ATXN1: variants seen among roughly 807,000 people sequenced by gnomAD.
ATXN1 encodes the protein ataxin-1.
Under a neutral mutation model 56.4 loss-of-function variants are expected in ATXN1, and 8 were observed. The ratio of observed to expected loss-of-function variants is 0.14; its 90% CI spans 0.08 to 0.26. The LOEUF is 0.26. Ranked by LOEUF, ATXN1 falls within the 10% of genes least tolerant of loss-of-function variation. The pLI is 1.00. For missense variants in ATXN1, 987 were observed against 1,106.5 expected (o/e 0.89, Z 1.53); for synonymous variants, 514 against 494.6 (o/e 1.04, Z -0.52).
intron 2 of ATXN1, among the ~76,000 whole-genome samples, chr6:16,684,544 T>G (rs1758878389): frequency 6.6e-6 from 1 of 152,166 alleles, no homozygotes; most frequent in African/African-American, 2.4e-5. Context: ...GAAAACCACT[T>G]ATATAACCCA....
chr6:16,397,232 C>T (rs575098087), intron 6 of ATXN1, among the ~76,000 whole-genome samples: 5 of 152,156 alleles, frequency 3.3e-5, no homozygotes, highest in Admixed American at 6.5e-5. Context: ...CTGTTATTCC[C>T]GAGCCAGTAG....
chr6:16,365,757 C>T (rs773840335), intron 6 of ATXN1, among the ~76,000 whole-genome samples: 1 of 152,208 alleles, frequency 6.6e-6, no homozygotes, highest in Non-Finnish European at 1.5e-5. Context: ...TGCCTGGACC[C>T]AAACAACCTG....
chr6:16,445,323 T>C (rs1759610335), intron 6 of ATXN1, among the ~76,000 whole-genome samples: 1 of 152,090 alleles, frequency 6.6e-6, no homozygotes, highest in African/African-American at 2.4e-5. Flanking sequence ...TATAGATATT[T>C]TGAGTCAACA....
chr6:16,659,227 T>G (rs1457248238), intron 2 of ATXN1, among the ~76,000 whole-genome samples: 1 of 152,222 alleles, frequency 6.6e-6, no homozygotes, highest in Admixed American at 6.5e-5. Context: ...TTGGATGCTA[T>G]CAGTACCCAC....
chr6:16,339,851 C>A (rs928258141), intron 6 of ATXN1, among the ~76,000 whole-genome samples: 1 of 152,158 alleles, frequency 6.6e-6, no homozygotes, highest in Non-Finnish European at 1.5e-5. Flanking sequence ...GGCGTGATCT[C>A]GGCTCACTGC....
intron 6 of ATXN1, among the ~76,000 whole-genome samples, chr6:16,377,459 T>C (rs867668137): frequency 3.9e-5 from 6 of 152,284 alleles, no homozygotes; most frequent in South Asian, 2.1e-4. Context: ...ATCCTTCCCA[T>C]TGCTGTGCAC....
intron 6 of ATXN1, among the ~76,000 whole-genome samples, chr6:16,416,490 G>C (rs1758911934): frequency 6.6e-6 from 1 of 152,206 alleles, no homozygotes; most frequent in African/African-American, 2.4e-5. Context: ...TACAATACCT[G>C]CCTTACAGGG....
intron 2 of ATXN1, among the ~76,000 whole-genome samples, chr6:16,719,035 T>G (rs1759695648): frequency 6.6e-6 from 1 of 152,372 alleles, no homozygotes; most frequent in Non-Finnish European, 1.5e-5. Flanking sequence ...TCTGTCTTTA[T>G]TTCCCATAAC....
intron 5 of ATXN1, among the ~76,000 whole-genome samples, chr6:16,522,204 C>T (rs1340729121): frequency 1.3e-5 from 2 of 152,150 alleles, no homozygotes; most frequent in African/African-American, 2.4e-5. Context: ...GCCAGACAAG[C>T]TCTCAGGTCT....
At chr6:16,625,928 C>G (rs1262875170) in intron 3 of ATXN1, among the ~76,000 whole-genome samples, 1 of 152,138 alleles carries the variant, frequency 6.6e-6, no homozygotes, top group Non-Finnish European at 1.5e-5. Context: ...GACACTGAGG[C>G]AAACTTGCCA....
rs200788953 is a variant in ATXN1 at position 16,327,696 on chromosome 6, C to T, written c.615G>A (p.Gln205=). The T allele has an allele frequency of 6.3e-7, 1 of 1,592,692 alleles. No individual in the cohort carries two copies. Among genetic ancestry groups the T allele is most frequent in the African/African-American group, 1.4e-5 (1 of 73,284 alleles). ...AEQQQQQQQQ[Q]QQQHQHQQQQ... is the part of the protein sequence containing the mutation. ...GCTGCTGATGCTGATGCTGCTGCTG[C>T]TGCTGCTGCTGCTGCTGCTGCTGCT... The change falls in exon 7 of 8, where the codon CAG becomes CAA. Residue 205 remains glutamine, a synonymous_variant. Coordinates refer to ENST00000436367, the MANE Select transcript of ATXN1 (RefSeq NM_001128164.2).
chr6:16,369,651 A>G (rs906494293), intron 6 of ATXN1, among the ~76,000 whole-genome samples: 7 of 152,204 alleles, frequency 4.6e-5, no homozygotes, highest in Non-Finnish European at 1.0e-4. Context: ...TAAGTCTTCA[A>G]TGCTCTCTGC....
chr6:16,443,336 C>T (rs578090326), intron 6 of ATXN1, among the ~76,000 whole-genome samples: 11 of 150,964 alleles, frequency 7.3e-5, no homozygotes, highest in Admixed American at 5.9e-4. Flanking sequence ...CAGACTTCAA[C>T]GACTTCACCT....
At chr6:16,602,528 T>C (rs890879467) in intron 3 of ATXN1, among the ~76,000 whole-genome samples, 12 of 152,006 alleles carry the variant, frequency 7.9e-5, no homozygotes, top group African/African-American at 2.4e-4. Flanking sequence ...CTTGGCTCAC[T>C]GCAACCTTCG....
chr6:16,585,717 T>G (rs2113765147), intron 4 of ATXN1, 63 bp downstream of exon 4: 1 of 152,334 alleles, frequency 6.6e-6, no homozygotes, highest in South Asian at 2.1e-4. Context: ...CCCCCACCAC[T>G]ATCTTGGGGA....
intron 5 of ATXN1, among the ~76,000 whole-genome samples, chr6:16,492,664 T>C (rs2113664376): frequency 6.6e-6 from 1 of 152,192 alleles, no homozygotes; most frequent in Non-Finnish European, 1.5e-5. Context: ...GTTCCTTATA[T>C]TACTCCTTAT....
rs1760097017 is a variant in ATXN1, at chr6:16,301,455, C to T, written c.*4874G>A. Reference sequence around the variant, plus strand: ...GTCCGTGGAAAAGAGAGGAAACCAACCCAACACAATAGCAGATGCATGTGC... The same window carrying T: ...GTCCGTGGAAAAGAGAGGAAACCAATCCAACACAATAGCAGATGCATGTGC... On this transcript the variant is annotated 3_prime_UTR_variant, in exon 8 of 8. Coordinates refer to ENST00000436367, the MANE Select transcript of ATXN1 (RefSeq NM_001128164.2). The T allele has an allele frequency of 6.6e-6, 1 of 152,526 alleles. No homozygotes were observed. The highest frequency in any genetic ancestry group is 6.6e-5 in the Admixed American group (1 of 15,266). The allele number at this position is 152,526 out of a possible 1,614,324, so 9.4% of individuals were successfully genotyped here.
chr6:16,343,914 T>C (rs1761315518), intron 6 of ATXN1, among the ~76,000 whole-genome samples: 1 of 152,216 alleles, frequency 6.6e-6, no homozygotes. Flanking sequence ...GTGTTCCCTC[T>C]GCTCTGTTAG....
Position 16,305,202 on chromosome 6 carries a change from AT to A in ATXN1, c.*1126del, listed in dbSNP as rs1383741759. The A allele has an allele frequency of 2.0e-5, 3 of 152,522 alleles. No homozygotes were observed. The highest frequency in any genetic ancestry group is 7.2e-5 in the African/African-American group (3 of 41,412). The allele number at this position is 152,522 out of a possible 1,614,324, so 9.4% of individuals were successfully genotyped here. A position where few individuals can be genotyped will look rare whatever the true frequency, so the allele number is the denominator to read the frequency against. ...TGCTTGGTAATAAAGTGTGAACAGT[AT>A]TTTTAAATGCTTAAAGATAGTAATA... On this transcript the variant is annotated 3_prime_UTR_variant, in exon 8 of 8. Transcript: ENST00000436367.
Sources: gnomAD v4.1 joint callset for allele counts (sites outside exome capture counted in the v4.1 genomes callset) on GRCh38, gnomAD v4.1.1 for gene constraint, MANE v1.5 for transcripts, NCBI Gene and HGNC (gene_info 2026-07-23, HGNC 2026-07-21) for gene names.